TXNDC16: variants seen among roughly 807,000 people sequenced by gnomAD.
TXNDC16 encodes thioredoxin domain-containing protein 16.
In TXNDC16, 74 loss-of-function variants were observed where a neutral mutation model predicts 85.6. The ratio of observed to expected loss-of-function variants is 0.86; its 90% CI spans 0.72 to 1.05. The LOEUF (loss-of-function observed/expected upper bound fraction) is 1.05, where lower values mean the gene tolerates loss of function less well. Ranked by LOEUF, TXNDC16 falls within the 50% of genes least tolerant of loss-of-function variation. The pLI is 0.00. For missense variants in TXNDC16, 959 were observed against 947.0 expected (o/e 1.01, Z -0.17); for synonymous variants, 335 against 326.5 (o/e 1.03, Z -0.28).
intron 8 of TXNDC16, among the ~76,000 whole-genome samples, chr14:52,512,567 G>C (rs1330027542): frequency 6.6e-6 from 1 of 152,168 alleles, no homozygotes; most frequent in Non-Finnish European, 1.5e-5. Flanking sequence ...GGAGGTCCTA[G>C]TTAAGGCTGG....
At position 52,440,739 on chromosome 14, in the gene TXNDC16, G is replaced by A; in HGVS notation, c.1843-15C>T. 6.3e-7 allele frequency: 1 copy of A among 1,598,188 alleles called. No individual in the cohort carries two copies. The highest frequency in any genetic ancestry group is 1.1e-5 in the South Asian group (1 of 87,260). Reference sequence around the variant, plus strand: ...GTGATTTCCGGCTGTCAAAGAAAAGGAATAACAACAATAAAAAATGCATTG... The same window carrying A: ...GTGATTTCCGGCTGTCAAAGAAAAGAAATAACAACAATAAAAAATGCATTG... On this transcript the variant is annotated splice_polypyrimidine_tract_variant and intron_variant, in intron 18 of 20. Transcript: ENST00000281741.
intron 4 of TXNDC16, among the ~76,000 whole-genome samples, chr14:52,541,327 T>C (rs1182444105): frequency 6.6e-6 from 1 of 152,180 alleles, no homozygotes; most frequent in Admixed American, 6.5e-5. Flanking sequence ...AGTTACTATA[T>C]GCATAGTTAT....
At chr14:52,438,984 A>G (rs1172732472) in intron 20 of TXNDC16, among the ~76,000 whole-genome samples, 2 of 152,192 alleles carry the variant, frequency 1.3e-5, no homozygotes, top group Non-Finnish European at 2.9e-5. Context: ...TACAAGTAAC[A>G]TGGACTCAAT....
chr14:52,468,092 G>C (rs2140129317), intron 16 of TXNDC16, among the ~76,000 whole-genome samples: 1 of 152,268 alleles, frequency 6.6e-6, no homozygotes, highest in Admixed American at 6.5e-5. Flanking sequence ...CCAGGGCCTG[G>C]GAGGAGGATG....
intron 6 of TXNDC16, among the ~76,000 whole-genome samples, chr14:52,530,136 T>G (rs1409890211): frequency 2.7e-5 from 2 of 73,556 alleles, no homozygotes; most frequent in Non-Finnish European, 4.4e-5. Context: ...ATATTACAAT[T>G]TACATATATT....
At chr14:52,467,541 C>G (rs371655885) in intron 16 of TXNDC16, among the ~76,000 whole-genome samples, 1 of 152,194 alleles carries the variant, frequency 6.6e-6, no homozygotes, top group Non-Finnish European at 1.5e-5. Flanking sequence ...AAAGCCACAA[C>G]AAGATATCAC....
chr14:52,448,656 G>A (rs957552504), intron 18 of TXNDC16, among the ~76,000 whole-genome samples: 9 of 152,072 alleles, frequency 5.9e-5, no homozygotes, highest in African/African-American at 2.2e-4. Flanking sequence ...ATGCTTAACT[G>A]TGCTGTGTAA....
In TXNDC16 at chr14:52,514,864, T is replaced by C. The variant is rs761601150; in HGVS notation, c.605+16A>G. The C allele has an allele frequency of 5.1e-6, 8 of 1,569,840 alleles. No individual in the cohort carries two copies. Among genetic ancestry groups the C allele is most frequent in the South Asian group, 2.4e-5 (2 of 84,516 alleles). ...AAAAAACCTTTAAATTGTTGACATA[T>C]GCTTTTTATACATACCCAATACTTT... On this transcript the variant is annotated intron_variant, in intron 8 of 20. Coordinates refer to ENST00000281741, the MANE Select transcript of TXNDC16 (RefSeq NM_020784.3).
intron 17 of TXNDC16, among the ~76,000 whole-genome samples, chr14:52,456,028 A>C (rs903366914): frequency 1.3e-5 from 2 of 152,068 alleles, no homozygotes; most frequent in Admixed American, 1.3e-4. Flanking sequence ...CACTGAAACA[A>C]GAGCCCAAAT....
intron 20 of TXNDC16, among the ~76,000 whole-genome samples, chr14:52,436,898 G>A (rs922240989): frequency 6.6e-6 from 1 of 151,700 alleles, no homozygotes; most frequent in Non-Finnish European, 1.5e-5. Context: ...TCATGGAACA[G>A]TATCAAAATA....
Position 52,496,114 on chromosome 14 carries a change from C to T in TXNDC16, c.757-5109G>A, listed in dbSNP as rs545644925. On this transcript the variant is annotated intron_variant, in intron 9 of 20. Coordinates refer to ENST00000281741, the MANE Select transcript of TXNDC16 (RefSeq NM_020784.3). ...GGTGGAGCTTGCAGTGAGCCGAGATCGCTCCGCTGCACTCCAGCCTGGGTG... is the reference window on the plus strand; with the variant it reads ...GGTGGAGCTTGCAGTGAGCCGAGATTGCTCCGCTGCACTCCAGCCTGGGTG... 3.0e-3 allele frequency among the ~76,000 whole-genome samples: 447 copies of T among 151,354 alleles called. 4 individuals carry two copies. Among genetic ancestry groups the T allele is most frequent in the South Asian group, 6.5e-3 (31 of 4,788 alleles).
At chr14:52,483,569 C>T (rs1396109013) in intron 12 of TXNDC16, among the ~76,000 whole-genome samples, 3 of 152,090 alleles carry the variant, frequency 2.0e-5, no homozygotes, top group Non-Finnish European at 2.9e-5. Context: ...GCAAATTTGA[C>T]TAAGACAAGA....
intron 14 of TXNDC16, among the ~76,000 whole-genome samples, chr14:52,479,739 A>G (rs1012398238): frequency 1.3e-5 from 2 of 152,178 alleles, no homozygotes; most frequent in African/African-American, 4.8e-5. Flanking sequence ...GAAAATGACC[A>G]TACTGCCAAA....
At chr14:52,525,712 A>AATG (rs987144221) in intron 6 of TXNDC16, among the ~76,000 whole-genome samples, 1 of 111,902 alleles carries the variant, frequency 8.9e-6, no homozygotes, top group East Asian at 3.0e-4. Flanking sequence ...TAATAATAAT[A>AATG]ATAATAATAA....
In TXNDC16 at chr14:52,529,081, C is replaced by T. The variant is rs566629441; in HGVS notation, c.392+7638G>A. 4.2e-3 allele frequency among the ~76,000 whole-genome samples: 629 copies of T among 150,186 alleles called. 10 individuals carry two copies. Among genetic ancestry groups the T allele is most frequent in the African/African-American group, 0.015 (602 of 40,958 alleles). ...AGCAATGACTTGTAACCAACCCAAA[C>T]GTCCAACAATGATAGACTGGATTAA... On this transcript the variant is annotated intron_variant, in intron 6 of 20. Transcript: ENST00000281741.
At chr14:52,524,364 C>G (rs2037277653) in intron 6 of TXNDC16, among the ~76,000 whole-genome samples, 1 of 152,184 alleles carries the variant, frequency 6.6e-6, no homozygotes, top group African/African-American at 2.4e-5. Flanking sequence ...TTTCTATTTT[C>G]TGACAAAATA....
chr14:52,547,364 G>A (rs1309313349), intron 1 of TXNDC16, among the ~76,000 whole-genome samples: 1 of 152,058 alleles, frequency 6.6e-6, no homozygotes, highest in East Asian at 1.9e-4. Context: ...CTAAAATAAT[G>A]ACATAAATAC....
Position 52,511,298 on chromosome 14 carries a change from T to C in TXNDC16, c.698A>G (p.Gln233Arg), listed in dbSNP as rs2036948377. The change falls in exon 9 of 21, where the codon CAG (glutamine) becomes CGG (arginine). Residue 233 changes from glutamine (Q) to arginine (R), a missense_variant. Transcript: ENST00000281741. ...TQQCRRTLME[Q>R]PLTTLNIHLF... ...GTGAATGTTCAGTGTAGTCAATGGC[T>C]GTTCCATTAGTGTTCTTCTACATTG... The C allele has an allele frequency of 3.1e-6, 5 of 1,608,498 alleles. No homozygotes were observed. Among genetic ancestry groups the C allele is most frequent in the Non-Finnish European group, 4.3e-6 (5 of 1,176,258 alleles).
chr14:52,473,869 C>T (rs928241620), intron 14 of TXNDC16, among the ~76,000 whole-genome samples: 1 of 149,720 alleles, frequency 6.7e-6, no homozygotes, highest in Non-Finnish European at 1.5e-5. Flanking sequence ...GTCAGAAAGA[C>T]AGATGATAGG....
Sources: allele counts gnomAD v4.1 joint callset (sites outside exome capture counted in the v4.1 genomes callset), GRCh38; gene constraint gnomAD v4.1.1; transcripts MANE v1.5; gene names NCBI Gene and HGNC (gene_info 2026-07-23, HGNC 2026-07-21).